Variants in NAPSA observed in about 807,000 individuals in gnomAD.
The protein encoded by NAPSA is napsin-A.
A neutral mutation model predicts 36.7 loss-of-function variants in NAPSA; 37 were observed. The observed-to-expected ratio is 1.01, with a 90% CI of 0.78 to 1.33. The LOEUF (loss-of-function observed/expected upper bound fraction) is 1.33, where lower values mean the gene tolerates loss of function less well. Among genes scored for constraint, NAPSA ranks in the 40% most tolerant of loss-of-function variants. The pLI is 0.00. For missense variants in NAPSA, 532 were observed against 543.8 expected, an observed-to-expected ratio of 0.98 and a Z score of 0.21; for synonymous variants, 222 against 234.5, an observed-to-expected ratio of 0.95 and a Z score of 0.49.
At chr19:50,361,837 G>T (rs1019755795) in intron 3 of NAPSA, 56 bp from the exon 4 acceptor site, 2 of 1,601,162 alleles carry the variant, frequency 1.2e-6, no homozygotes, top group African/African-American at 2.7e-5. Flanking sequence ...AGTGCCTACT[G>T]CCCCTTTGAC....
intron 5 of NAPSA, 128 bp from the exon 6 acceptor site, chr19:50,359,990 G>A (rs1027419004): frequency 8.0e-7 from 1 of 1,248,506 alleles, no homozygotes; most frequent in Non-Finnish European, 1.1e-6. Flanking sequence ...GTAATGGGAT[G>A]CAGGAAGGGC....
chr19:50,359,972 C>G, intron 5 of NAPSA, 110 bp from the exon 6 acceptor site: 1 of 1,438,708 alleles, frequency 7.0e-7, no homozygotes, highest in Non-Finnish European at 9.4e-7. Flanking sequence ...TTCTGGAGTT[C>G]CTACGGGGTA....
chr19:50,368,802 T>A (rs1286662885), upstream of NAPSA, among the ~76,000 whole-genome samples: 3 of 152,238 alleles, frequency 2.0e-5, no homozygotes, highest in Non-Finnish European at 4.4e-5. Context: ...GCCACCCGTT[T>A]CTAGAGCTGG....
At position 50,359,503 on chromosome 19, in the gene NAPSA, C is replaced by A; in HGVS notation, c.936G>T (p.Glu312Asp). Residue 312 changes from glutamate to aspartate, a missense_variant and splice_region_variant, in exon 7 of 9, where the codon GAG becomes GAT. Transcript: ENST00000253719. ...AIGGIPLLAG[E>D]YIILCSEIPK... ...CGTACCCACCAGACTGGGACCTCACCTCCCCAGCCAGCAAGGGGATTCCCC... is the reference window on the plus strand; with the variant it reads ...CGTACCCACCAGACTGGGACCTCACATCCCCAGCCAGCAAGGGGATTCCCC... The A allele has an allele frequency of 4.3e-6, 7 of 1,614,114 alleles. No individual in the cohort carries two copies. Among genetic ancestry groups the A allele is most frequent in the Non-Finnish European group, 5.9e-6 (7 of 1,180,038 alleles).
At chr19:50,360,882 G>A (rs1265200820) in intron 5 of NAPSA, 59 bp downstream of exon 5, 1 of 1,517,444 alleles carries the variant, frequency 6.6e-7, no homozygotes, top group African/African-American at 1.4e-5. Context: ...ACTTCCTGAA[G>A]GAAGACTCTC....
intron 1 of NAPSA, among the ~76,000 whole-genome samples, chr19:50,365,299 A>T (rs776282784): frequency 1.3e-4 from 20 of 152,110 alleles, no homozygotes; most frequent in Non-Finnish European, 2.4e-4. Context: ...ATGCCATTGC[A>T]CTCCAGCCTG....
intron 5 of NAPSA, 114 bp downstream of exon 5, chr19:50,360,827 T>G: frequency 9.6e-7 from 1 of 1,044,132 alleles, no homozygotes; most frequent in Non-Finnish European, 1.4e-6. Flanking sequence ...ATGGACAGTG[T>G]AAGTGGGTGA....
At position 50,365,572 on chromosome 19, in the gene NAPSA, A is replaced by G; in HGVS notation, c.50T>C (p.Leu17Pro). Residue 17 changes from leucine (L) to proline (P), a missense_variant, in exon 1 of 9, where the codon CTG (leucine) becomes CCG (proline). Coordinates refer to ENST00000253719, the MANE Select transcript of NAPSA (RefSeq NM_004851.3). Reference sequence around the variant, plus strand: ...TGTGGCCCCGGAAGGCTCCACATTCAGCAGAGGCAGCAGCAGCAGCAGGGG... The same window carrying G: ...TGTGGCCCCGGAAGGCTCCACATTCGGCAGAGGCAGCAGCAGCAGCAGGGG... The part of the protein sequence containing the change: ...LQPLLLLLPL[L>P]NVEPSGATLI... 6.2e-7 allele frequency: 1 copy of G among 1,613,696 alleles called. No individual in the cohort carries two copies. The highest frequency in any genetic ancestry group is 8.5e-7 in the Non-Finnish European group (1 of 1,179,892).
rs2037442664 is a variant in NAPSA, at chr19:50,359,518, G to A, written c.921C>T (p.Pro307=). Residue 307 remains proline (P), a synonymous_variant, in exon 7 of 9, where the codon CCC becomes CCT. Transcript: ENST00000253719. ...RALHAAIGGI[P]LLAGEYIILC... ...GGGACCTCACCTCCCCAGCCAGCAA[G>A]GGGATTCCCCCAATGGCTGCATGCA... The A allele has an allele frequency of 1.2e-6, 2 of 1,614,156 alleles. No individual in the cohort carries two copies. Among genetic ancestry groups the A allele is most frequent in the Admixed American group, 1.7e-5 (1 of 60,022 alleles).
upstream of NAPSA, among the ~76,000 whole-genome samples, chr19:50,366,334 A>G (rs940977913): frequency 1.3e-5 from 2 of 152,048 alleles, no homozygotes; most frequent in Non-Finnish European, 2.9e-5. Context: ...TCCCGACCTC[A>G]GGTGATCCGC....
At chr19:50,364,556 A>G (rs1229434645) in intron 1 of NAPSA, among the ~76,000 whole-genome samples, 1 of 141,372 alleles carries the variant, frequency 7.1e-6, no homozygotes, top group Non-Finnish European at 1.5e-5. Flanking sequence ...CAGAGCTTGC[A>G]GTGAGCCAAG....
chr19:50,363,169 G>A (rs947871646), intron 1 of NAPSA, among the ~76,000 whole-genome samples: 3 of 151,976 alleles, frequency 2.0e-5, no homozygotes, highest in African/African-American at 4.8e-5. Flanking sequence ...CACCTTTCCC[G>A]TCACCCCCCA....
intron 1 of NAPSA, among the ~76,000 whole-genome samples, chr19:50,363,356 C>G (rs1228770481): frequency 6.6e-6 from 1 of 151,946 alleles, no homozygotes; most frequent in Non-Finnish European, 1.5e-5. Flanking sequence ...TGCATAGGGT[C>G]CCCAAGATTG....
intron 8 of NAPSA, 89 bp downstream of exon 8, chr19:50,358,922 G>A: frequency 7.4e-7 from 1 of 1,360,308 alleles, no homozygotes; most frequent in South Asian, 1.3e-5. Context: ...TGTTTCTGTG[G>A]CCCCTTCCCT....
upstream of NAPSA, among the ~76,000 whole-genome samples, chr19:50,366,946 G>T (rs577589908): frequency 2.6e-5 from 4 of 151,742 alleles, no homozygotes; most frequent in South Asian, 8.3e-4. Context: ...CGATTGTCCT[G>T]TCTCAGCCTC....
chr19:50,365,895 A>AC (rs150874123), upstream of NAPSA: 11 of 318,698 alleles, frequency 3.5e-5, no homozygotes, highest in East Asian at 1.0e-4. Flanking sequence ...ACCACCTCCC[A>AC]CCCCCCCATC....
intron 1 of NAPSA, among the ~76,000 whole-genome samples, chr19:50,364,549 A>G (rs946872498): frequency 2.0e-4 from 27 of 138,312 alleles, no homozygotes; most frequent in African/African-American, 7.1e-4. Context: ...CGGGGGACAG[A>G]GCTTGCAGTG....
chr19:50,363,527 C>A (rs2037503645), intron 1 of NAPSA, among the ~76,000 whole-genome samples: 2 of 152,006 alleles, frequency 1.3e-5, no homozygotes, highest in Non-Finnish European at 2.9e-5. Context: ...ACTATGGGCA[C>A]ACCACCACAC....
upstream of NAPSA, among the ~76,000 whole-genome samples, chr19:50,366,292 G>T (rs1427174390): frequency 6.6e-6 from 1 of 151,908 alleles, no homozygotes; most frequent in Non-Finnish European, 1.5e-5. Context: ...TAGAGACAGG[G>T]TTTCTCCATG....
Sources: gnomAD v4.1 joint callset for allele counts (sites outside exome capture counted in the v4.1 genomes callset) on GRCh38, gnomAD v4.1.1 for gene constraint, MANE v1.5 for transcripts, NCBI Gene and HGNC (gene_info 2026-07-23, HGNC 2026-07-21) for gene names.